ZFHX3: variants seen among roughly 807,000 people sequenced by gnomAD.
ZFHX3 encodes zinc finger homeobox protein 3.
Under a neutral mutation model 279.1 loss-of-function variants are expected in ZFHX3, and 42 were observed. That is an observed-to-expected ratio of 0.15 (90% confidence interval 0.12 to 0.19). The LOEUF (loss-of-function observed/expected upper bound fraction) is 0.19, where lower values mean the gene tolerates loss of function less well. ZFHX3 is among the 10% of genes least tolerant of loss of function. ZFHX3 has a pLI of 1.00. For synonymous variants in ZFHX3, 2,293 were observed against 1,957.8 expected (o/e 1.17, Z -4.52); for missense variants, 4,981 against 4,754.0 (o/e 1.05, Z -1.40).
At chr16:72,951,324 A>C (rs1960989046) in intron 2 of ZFHX3, among the ~76,000 whole-genome samples, 1 of 151,748 alleles carries the variant, frequency 6.6e-6, no homozygotes, top group Admixed American at 6.6e-5. Flanking sequence ...GCAGTGGCAC[A>C]ATCTCAGCTC....
chr16:73,868,144 G>A (rs1478298254), intron 1 of ZFHX3, among the ~76,000 whole-genome samples: 1 of 152,230 alleles, frequency 6.6e-6, no homozygotes. Flanking sequence ...ATTTCGGCAT[G>A]TGTAACAAAG....
chr16:73,539,110 C>A (rs2019963197), intron 2 of ZFHX3, among the ~76,000 whole-genome samples: 1 of 152,046 alleles, frequency 6.6e-6, no homozygotes, highest in Non-Finnish European at 1.5e-5. Context: ...CCTATGTTAT[C>A]AAACAGCTTT....
At chr16:73,145,931 G>T (rs981495100) in intron 5 of ZFHX3, among the ~76,000 whole-genome samples, 1 of 152,146 alleles carries the variant, frequency 6.6e-6, no homozygotes, top group African/African-American at 2.4e-5. Flanking sequence ...ACTATCAATA[G>T]CCCAGCCTCA....
chr16:73,266,789 C>A (rs982257163), intron 4 of ZFHX3, among the ~76,000 whole-genome samples: 2 of 152,222 alleles, frequency 1.3e-5, no homozygotes, highest in Non-Finnish European at 2.9e-5. Context: ...TCCTTCCTTG[C>A]CCATGCTCTC....
chr16:73,741,114 C>G (rs141350072), intron 1 of ZFHX3, among the ~76,000 whole-genome samples: 1 of 147,738 alleles, frequency 6.8e-6, no homozygotes, highest in African/African-American at 2.5e-5. Context: ...TCACTGCAAC[C>G]TCTGCCTCCC....
intron 2 of ZFHX3, among the ~76,000 whole-genome samples, chr16:73,478,358 G>A (rs770686924): frequency 7.3e-5 from 11 of 150,894 alleles, no homozygotes; most frequent in African/African-American, 1.5e-4. Flanking sequence ...CAGATTAAAA[G>A]TCTGATGCTC....
chr16:72,795,853 TAG>T lies in ZFHX3; in HGVS notation c.6827_6828del (p.Ser2276Ter). On this transcript the variant is annotated frameshift_variant, in exon 9 of 10. Transcript: ENST00000268489. LOFTEE classifies it high-confidence loss of function. ...ACTCGGGTTGGAAGGTTCAGTAAAT[TAG>T]AGAGTTGCTCAAATTCATCATCCTT... The part of the protein sequence containing the change: ...YPKDDEFEQL[S>X]NLLNLPTRVI... 1 of 1,614,190 alleles carries T rather than the reference TAG, an allele frequency of 6.2e-7. No individual in the cohort carries two copies. Among genetic ancestry groups the T allele is most frequent in the Non-Finnish European group, 8.5e-7 (1 of 1,180,036 alleles).
chr16:73,042,974 C>T (rs1353288100), intron 1 of ZFHX3, among the ~76,000 whole-genome samples: 2 of 152,010 alleles, frequency 1.3e-5, no homozygotes, highest in Non-Finnish European at 2.9e-5. Context: ...CATCCCAGCA[C>T]CGGCCCATCT....
At chr16:73,201,731 T>A (rs1968272115) in intron 5 of ZFHX3, among the ~76,000 whole-genome samples, 1 of 152,166 alleles carries the variant, frequency 6.6e-6, no homozygotes. Context: ...AGATGAAGAT[T>A]CACTATTTTT....
In ZFHX3 at chr16:72,957,606, T is replaced by C. The variant is rs200628120; in HGVS notation, c.2540A>G (p.His847Arg). Reference protein sequence around the residue: ...QNMTQIQHNRHLGLGSLPSPA... With the variant: ...QNMTQIQHNRRLGLGSLPSPA... ...TGAGGGCAGGCTGCCGAGGCCCAGG[T>C]GGCGGTTGTGTTGGATCTGGGTCAT... The change falls in exon 2 of 10, where the codon CAC becomes CGC. Residue 847 changes from histidine (H) to arginine (R), a missense_variant. His to Arg is a conservative substitution (Grantham distance 29). Coordinates refer to ENST00000268489, the MANE Select transcript of ZFHX3 (RefSeq NM_006885.4). 52 of 1,614,102 alleles carry C rather than the reference T, an allele frequency of 3.2e-5. No homozygotes were observed. The highest frequency in any genetic ancestry group is 6.7e-5 in the Admixed American group (4 of 60,024).
intron 1 of ZFHX3, among the ~76,000 whole-genome samples, chr16:73,680,816 T>C (rs150658527): frequency 1.3e-5 from 2 of 152,354 alleles, no homozygotes; most frequent in East Asian, 3.9e-4. Context: ...TTGGATTTAA[T>C]TGTACCTTTG....
chr16:72,810,475 C>A (rs977452255), intron 7 of ZFHX3, among the ~76,000 whole-genome samples: 3 of 152,230 alleles, frequency 2.0e-5, no homozygotes, highest in South Asian at 2.1e-4. Flanking sequence ...TGTGAGCCCC[C>A]ACGCCTGGCC....
Position 73,784,786 on chromosome 16 carries a change from TAAA to T in ZFHX3, c.-1607-104549_-1607-104547del, listed in dbSNP as rs66537411. On this transcript the variant is annotated intron_variant, in intron 1 of 17. Transcript: ENST00000641206. ...TTTTAAAAAACTATTTTTAACAAAA[TAAA>T]AAAAAAAATATATATATATATATAT... Among the ~76,000 whole-genome samples the T allele has an allele frequency of 4.7e-3, 624 of 133,808 alleles. 4 individuals carry two copies. Among genetic ancestry groups the T allele is most frequent in the African/African-American group, 0.017 (584 of 33,936 alleles). 87.8% of individuals were successfully genotyped at this position (133,808 alleles called of 152,430 possible).
Position 72,957,885 on chromosome 16 carries a change from A to G in ZFHX3, c.2261T>C (p.Met754Thr). 6.2e-7 allele frequency: 1 copy of G among 1,613,970 alleles called. No homozygotes were observed. ...HMQSDKHLNN[M>T]QNLQNGGGEQ... ...CCCCCCTCCATTCTGCAGGTTCTGC[A>G]TGTTGTTGAGATGCTTGTCAGACTG... Residue 754 changes from methionine (M) to threonine (T), a missense_variant, in exon 2 of 10, where the codon ATG (methionine) becomes ACG (threonine). Transcript: ENST00000268489.
chr16:73,590,512 AC>A (rs1385836742), intron 2 of ZFHX3, among the ~76,000 whole-genome samples: 1 of 152,196 alleles, frequency 6.6e-6, no homozygotes, highest in Admixed American at 6.5e-5. Flanking sequence ...AGTAACAATA[AC>A]TTGAGCACAC....
At chr16:73,011,177 T>G (rs1963902819) in intron 1 of ZFHX3, among the ~76,000 whole-genome samples, 1 of 151,602 alleles carries the variant, frequency 6.6e-6, no homozygotes, top group South Asian at 2.1e-4. Flanking sequence ...GAGACGGGGT[T>G]TCACCACGTT....
intron 5 of ZFHX3, among the ~76,000 whole-genome samples, chr16:73,184,991 T>TC (rs1967879613): frequency 6.6e-6 from 1 of 151,906 alleles, no homozygotes; most frequent in African/African-American, 2.4e-5. Flanking sequence ...CTCTTTTTTT[T>TC]TTTTTTCTGA....
intron 5 of ZFHX3, among the ~76,000 whole-genome samples, chr16:73,247,322 G>A (rs561027672): frequency 1.1e-4 from 16 of 151,772 alleles, no homozygotes; most frequent in Non-Finnish European, 2.2e-4. Flanking sequence ...GAGTGTTTGT[G>A]TAGGTGTGTG....
Position 72,824,259 on chromosome 16 carries a change from G to A in ZFHX3, c.3529+5520C>T, listed in dbSNP as rs186573032. 1.0e-3 allele frequency among the ~76,000 whole-genome samples: 156 copies of A among 152,196 alleles called. 1 individual carries two copies. Among genetic ancestry groups the A allele is most frequent in the Admixed American group, 9.8e-3 (149 of 15,280 alleles). Reference sequence around the variant, plus strand: ...CCTGCCAGCACCATATTCCATAAACGTACTTTTCCCTAACAGTCACCCAGA... The same window carrying A: ...CCTGCCAGCACCATATTCCATAAACATACTTTTCCCTAACAGTCACCCAGA... On this transcript the variant is annotated intron_variant, in intron 5 of 9. Coordinates refer to ENST00000268489, the MANE Select transcript of ZFHX3 (RefSeq NM_006885.4).
Sources: gnomAD v4.1 joint callset for allele counts (sites outside exome capture counted in the v4.1 genomes callset) on GRCh38, gnomAD v4.1.1 for gene constraint, MANE v1.5 for transcripts, NCBI Gene and HGNC (gene_info 2026-07-23, HGNC 2026-07-21) for gene names.